PUDP: variants seen among roughly 807,000 people sequenced by gnomAD.
PUDP encodes pseudouridine-5'-phosphatase.
Under a neutral mutation model 9.4 loss-of-function variants are expected in PUDP, and 8 were observed. The ratio of observed to expected loss-of-function variants is 0.85; its 90% CI spans 0.50 to 1.53. PUDP has a LOEUF of 1.53. PUDP is among the 40% of genes most tolerant of loss of function. PUDP has a pLI of 0.00. For synonymous variants in PUDP, 99 were observed against 80.7 expected, an observed-to-expected ratio of 1.23 and a Z score of -1.22; for missense variants, 188 against 189.7, an observed-to-expected ratio of 0.99 and a Z score of 0.05.
chrX:6,774,122 G>A (rs1343310406), intron 3 of PUDP, among the ~76,000 whole-genome samples: 1 of 111,789 alleles, frequency 8.9e-6, no homozygotes, highest in African/African-American at 3.3e-5. Flanking sequence ...AGGCCACAGT[G>A]GGAGACTCCA....
In PUDP at chrX:7,077,238, G is replaced by A; in HGVS notation, c.492C>T (p.Pro164=). Residue 164 remains proline (P), a synonymous_variant, in exon 3 of 4, where the codon CCC becomes CCT. Transcript: ENST00000381077. ...CACTTACCTTCTCCATAGCAGGAGGGGGAGAGAACCTCTTGGCACAAGCTA... is the reference window on the plus strand; with the variant it reads ...CACTTACCTTCTCCATAGCAGGAGGAGGAGAGAACCTCTTGGCACAAGCTA... ...IFLACAKRFS[P]PPAMEKCLVF... 2 of 1,195,979 alleles carry A rather than the reference G, an allele frequency of 1.7e-6. No individual in the cohort carries two copies. Among genetic ancestry groups the A allele is most frequent in the Non-Finnish European group, 2.3e-6 (2 of 887,587 alleles).
At chrX:7,037,680 T>C (rs1929871598) in intron 1 of PUDP, among the ~76,000 whole-genome samples, 1 of 112,611 alleles carries the variant, frequency 8.9e-6, no homozygotes, top group Non-Finnish European at 1.9e-5. Flanking sequence ...ATTTGTTTGT[T>C]TCTTATTCTC....
intron 3 of PUDP, among the ~76,000 whole-genome samples, chrX:6,731,471 T>C (rs1924807075): frequency 9.0e-6 from 1 of 111,445 alleles, no homozygotes; most frequent in Non-Finnish European, 1.9e-5. Flanking sequence ...GGGATACCCA[T>C]TGTCACTCAT....
chrX:7,004,575 G>A (rs1247758378), intron 1 of PUDP, among the ~76,000 whole-genome samples: 4 of 111,986 alleles, frequency 3.6e-5, no homozygotes, highest in Non-Finnish European at 7.5e-5. Context: ...CATAATGAAA[G>A]GTTTGCCTTT....
At chrX:6,853,556 T>C (rs1926860845) in intron 3 of PUDP, among the ~76,000 whole-genome samples, 1 of 110,325 alleles carries the variant, frequency 9.1e-6, no homozygotes, top group East Asian at 2.8e-4. Context: ...TATGCAACCA[T>C]CACCACTATC....
chrX:6,900,380 T>C (rs1927660878), intron 3 of PUDP, among the ~76,000 whole-genome samples: 1 of 107,369 alleles, frequency 9.3e-6, no homozygotes, highest in Admixed American at 1.0e-4. Context: ...CAGATGCTGT[T>C]GAACATCCTA....
At chrX:7,051,168 G>A (rs908470655) in intron 3 of PUDP, among the ~76,000 whole-genome samples, 4 of 111,384 alleles carry the variant, frequency 3.6e-5, no homozygotes, top group African/African-American at 1.3e-4. Flanking sequence ...CCACCAATGA[G>A]CGGATAAAGA....
At chrX:6,820,604 C>T (rs1170095564) in intron 3 of PUDP, among the ~76,000 whole-genome samples, 2 of 111,376 alleles carry the variant, frequency 1.8e-5, no homozygotes, top group Non-Finnish European at 3.8e-5. Flanking sequence ...GTTATAGGGC[C>T]CATGCAAGTC....
At chrX:6,776,921 C>T (rs1437317497) in intron 3 of PUDP, among the ~76,000 whole-genome samples, 2 of 112,118 alleles carry the variant, frequency 1.8e-5, no homozygotes. Flanking sequence ...GGAATATTTC[C>T]TTGAGTTAAA....
At chrX:6,786,876 T>C (rs189338367) in intron 3 of PUDP, among the ~76,000 whole-genome samples, 1 of 111,709 alleles carries the variant, frequency 9.0e-6, no homozygotes, top group Admixed American at 9.5e-5. Flanking sequence ...AAAACCCATG[T>C]TTATTTGTTT....
intron 1 of PUDP, among the ~76,000 whole-genome samples, chrX:6,986,077 G>A (rs1602702220): frequency 1.8e-5 from 2 of 111,481 alleles, no homozygotes; most frequent in African/African-American, 6.5e-5. Context: ...CCATGGCAAC[G>A]TTAGGAAGTT....
chrX:6,723,672 A>AAAAACAAAACAAAAC (rs760206977), upstream of PUDP, among the ~76,000 whole-genome samples: 26 of 99,826 alleles, frequency 2.6e-4, no homozygotes, highest in African/African-American at 8.4e-4. Flanking sequence ...ACCCCACCAA[A>AAAAACAAAACAAAAC]AAAACAAAAC....
At chrX:6,960,714 C>T (rs1928694561) in intron 3 of PUDP, among the ~76,000 whole-genome samples, 1 of 111,987 alleles carries the variant, frequency 8.9e-6, no homozygotes, top group South Asian at 3.7e-4. Context: ...GTGTTGACAG[C>T]TACAAAAGCA....
chrX:7,057,403 G>C (rs1930273546), intron 3 of PUDP, among the ~76,000 whole-genome samples: 1 of 110,189 alleles, frequency 9.1e-6, no homozygotes, highest in Non-Finnish European at 1.9e-5. Context: ...CATTACACTG[G>C]GGGTGAGGAT....
intron 3 of PUDP, among the ~76,000 whole-genome samples, chrX:6,958,217 A>C (rs969890874): frequency 9.0e-6 from 1 of 111,709 alleles, no homozygotes; most frequent in Non-Finnish European, 1.9e-5. Context: ...ATAACTTTTT[A>C]AAAGAGGCAA....
intron 3 of PUDP, among the ~76,000 whole-genome samples, chrX:6,795,042 AT>A (rs1237783703): frequency 2.9e-5 from 3 of 104,636 alleles, no homozygotes; most frequent in South Asian, 4.3e-4. Flanking sequence ...TCCATCTTTA[AT>A]TTTTTTTTAC....
intron 3 of PUDP, among the ~76,000 whole-genome samples, chrX:6,811,224 G>A (rs993356110): frequency 1.8e-5 from 2 of 111,225 alleles, no homozygotes; most frequent in African/African-American, 6.5e-5. Context: ...TAACATTTGG[G>A]GAGGACTGAC....
intron 3 of PUDP, among the ~76,000 whole-genome samples, chrX:6,931,683 A>G (rs1445971345): frequency 9.0e-6 from 1 of 111,715 alleles, no homozygotes; most frequent in African/African-American, 3.3e-5. Context: ...CTTGAAACTC[A>G]AAGAAGCTCA....
At chrX:6,790,633 T>C (rs971224554) in intron 3 of PUDP, among the ~76,000 whole-genome samples, 6 of 112,756 alleles carry the variant, frequency 5.3e-5, no homozygotes, top group African/African-American at 1.6e-4. Context: ...TATGCATTGA[T>C]TATCTGAAAT....
Sources: allele counts gnomAD v4.1 joint callset (sites outside exome capture counted in the v4.1 genomes callset), GRCh38; gene constraint gnomAD v4.1.1; transcripts MANE v1.5; gene names NCBI Gene and HGNC (gene_info 2026-07-23, HGNC 2026-07-21).